The following SPIRE1 variants were observed in gnomAD, a reference collection of about 807,000 sequenced individuals.
The protein encoded by SPIRE1 is spire type actin nucleation factor 1.
Under a neutral mutation model 94.1 loss-of-function variants are expected in SPIRE1, and 40 were observed. The ratio of observed to expected loss-of-function variants is 0.43; its 90% confidence interval spans 0.33 to 0.55. The LOEUF is 0.55. Among genes scored for constraint, SPIRE1 ranks in the 20% least tolerant of loss-of-function variants. The probability of loss-of-function intolerance (pLI) is 0.06; values close to 1 mark genes in which losing one functional copy is unlikely to be tolerated. For synonymous variants in SPIRE1, 376 were observed against 371.7 expected, an observed-to-expected ratio of 1.01 and a Z score of -0.13; for missense variants, 838 against 975.2, an observed-to-expected ratio of 0.86 and a Z score of 1.87.
chr18:12,525,015 G>A (rs562113129), intron 4 of SPIRE1, among the ~76,000 whole-genome samples: 28 of 150,936 alleles, frequency 1.9e-4, no homozygotes, highest in African/African-American at 6.1e-4. Context: ...GGTGGCTCAC[G>A]CCTGTAATCC....
chr18:12,556,840 C>T lies in SPIRE1; in HGVS notation c.373-9936G>A, dbSNP rs568733103. On this transcript the variant is annotated intron_variant, in intron 2 of 16. Coordinates refer to ENST00000409402, the MANE Select transcript of SPIRE1 (RefSeq NM_001128626.2). ...TGCAAAGAGCGAAAGAACAAAGCTT[C>T]CACAGTGTGGAAGGGGACCCCAGCG... Among the ~76,000 whole-genome samples the T allele has an allele frequency of 1.4e-4, 22 of 152,280 alleles. No homozygotes were observed. In the South Asian group the frequency reaches 4.4e-3, roughly 30 times the overall value.
At chr18:12,485,401 G>C (rs1024431736) in intron 9 of SPIRE1, among the ~76,000 whole-genome samples, 1 of 152,044 alleles carries the variant, frequency 6.6e-6, no homozygotes, top group Non-Finnish European at 1.5e-5. Context: ...CACCGCGCCC[G>C]GCCTGTATTT....
chr18:12,638,865 C>CT (rs2038007849), intron 1 of SPIRE1, among the ~76,000 whole-genome samples: 1 of 152,154 alleles, frequency 6.6e-6, no homozygotes, highest in Admixed American at 6.5e-5. Context: ...TCCCCTTCAC[C>CT]TTTTGCGATG....
chr18:12,576,413 C>G (rs865782646), intron 2 of SPIRE1, among the ~76,000 whole-genome samples: 51 of 151,560 alleles, frequency 3.4e-4, no homozygotes, highest in Middle Eastern at 3.4e-3. Context: ...GAAATCTCGT[C>G]TCTAACTAAA....
At chr18:12,479,129 A>G (rs1365284256) in intron 10 of SPIRE1, among the ~76,000 whole-genome samples, 2 of 148,340 alleles carry the variant, frequency 1.3e-5, no homozygotes, top group Non-Finnish European at 3.0e-5. Flanking sequence ...AAGACTACAT[A>G]TATGTGTGTG....
chr18:12,542,348 C>T (rs1234529062), intron 3 of SPIRE1, among the ~76,000 whole-genome samples: 4 of 152,150 alleles, frequency 2.6e-5, no homozygotes, highest in East Asian at 1.9e-4. Flanking sequence ...TTTCAGTCCA[C>T]GTCAATTTAG....
chr18:12,548,347 A>G (rs756720063), intron 2 of SPIRE1, among the ~76,000 whole-genome samples: 2 of 152,242 alleles, frequency 1.3e-5, no homozygotes, highest in Non-Finnish European at 2.9e-5. Context: ...TAAATACAAG[A>G]GAGTCATTGA....
intron 2 of SPIRE1, among the ~76,000 whole-genome samples, chr18:12,607,870 C>G (rs1449130017): frequency 6.6e-6 from 1 of 152,048 alleles, no homozygotes; most frequent in Non-Finnish European, 1.5e-5. Context: ...AAATATCTCA[C>G]CTACGGCCGG....
At chr18:12,596,960 T>TGCACTGTCCTGCTAACCCCC (rs1206746035) in intron 2 of SPIRE1, among the ~76,000 whole-genome samples, 10 of 151,676 alleles carry the variant, frequency 6.6e-5, no homozygotes, top group Non-Finnish European at 8.8e-5. Context: ...CTCCTCCACC[T>TGCACTGTCCTGCTAACCCCC]TAAGAATGAG....
intron 7 of SPIRE1, among the ~76,000 whole-genome samples, chr18:12,494,157 C>T (rs2033348313): frequency 6.6e-6 from 1 of 152,170 alleles, no homozygotes; most frequent in African/African-American, 2.4e-5. Flanking sequence ...AAGCAATCTT[C>T]CCATCCTGGC....
At chr18:12,461,526 G>GTGTATAT in intron 12 of SPIRE1, among the ~76,000 whole-genome samples, 1 of 56,938 alleles carries the variant, frequency 1.8e-5, no homozygotes, top group African/African-American at 4.6e-5. Context: ...ACATATGTGT[G>GTGTATAT]GTATGTACGT....
At chr18:12,555,895 T>C (rs542346949) in intron 2 of SPIRE1, among the ~76,000 whole-genome samples, 1 of 152,212 alleles carries the variant, frequency 6.6e-6, no homozygotes, top group Non-Finnish European at 1.5e-5. Flanking sequence ...TGCTTGCAGA[T>C]GGTATGATCT....
At chr18:12,593,925 G>A (rs1362500871) in intron 2 of SPIRE1, among the ~76,000 whole-genome samples, 1 of 151,266 alleles carries the variant, frequency 6.6e-6, no homozygotes, top group African/African-American at 2.4e-5. Flanking sequence ...ACTCCAGCCT[G>A]GGCAACAAGA....
intron 6 of SPIRE1, among the ~76,000 whole-genome samples, chr18:12,505,167 A>G (rs766717879): frequency 6.6e-6 from 1 of 152,192 alleles, no homozygotes; most frequent in Non-Finnish European, 1.5e-5. Flanking sequence ...TGGGAAAAAT[A>G]GATTGAAAGG....
chr18:12,615,345 A>AAAAAAAAAAAATACATAT, intron 2 of SPIRE1, among the ~76,000 whole-genome samples: 4 of 17,242 alleles, frequency 2.3e-4, no homozygotes, highest in African/African-American at 3.5e-4. Flanking sequence ...AAAAAAAAAA[A>AAAAAAAAAAAATACATAT]ATATATATAT....
intron 1 of SPIRE1, among the ~76,000 whole-genome samples, chr18:12,635,834 A>G (rs1284614973): frequency 1.3e-5 from 2 of 152,196 alleles, no homozygotes; most frequent in Non-Finnish European, 1.5e-5. Context: ...AAGAACGAAT[A>G]ACACAATTAT....
At chr18:12,564,256 T>TG (rs1243826374) in intron 2 of SPIRE1, among the ~76,000 whole-genome samples, 2 of 152,086 alleles carry the variant, frequency 1.3e-5, no homozygotes, top group East Asian at 3.9e-4. Context: ...ACAGACCCAG[T>TG]GGGCAAAGAA....
intron 1 of SPIRE1, among the ~76,000 whole-genome samples, chr18:12,650,605 G>A (rs1341191499): frequency 3.3e-5 from 5 of 151,852 alleles, no homozygotes; most frequent in African/African-American, 9.7e-5. Context: ...AGCTACTCGG[G>A]AGGCTGAGGC....
chr18:12,603,472 TG>T (rs1431572101), intron 2 of SPIRE1, among the ~76,000 whole-genome samples: 1 of 152,102 alleles, frequency 6.6e-6, no homozygotes, highest in African/African-American at 2.4e-5. Flanking sequence ...AGGATGGGGC[TG>T]GTCACTAGAA....
Sources: allele counts gnomAD v4.1 joint callset (sites outside exome capture counted in the v4.1 genomes callset), GRCh38; gene constraint gnomAD v4.1.1; transcripts MANE v1.5; gene names NCBI Gene and HGNC (gene_info 2026-07-23, HGNC 2026-07-21).